The following LRPPRC variants were observed in gnomAD, a reference collection of about 807,000 sequenced individuals.
LRPPRC encodes the protein leucine-rich PPR motif-containing protein, mitochondrial.
In LRPPRC, 120 loss-of-function variants were observed where a neutral mutation model predicts 180.3. That is an observed-to-expected ratio of 0.67 (90% confidence interval 0.57 to 0.77). The LOEUF (loss-of-function observed/expected upper bound fraction) is 0.77, where lower values mean the gene tolerates loss of function less well. LRPPRC is among the 30% of genes least tolerant of loss of function. LRPPRC has a pLI of 0.00. For missense variants in LRPPRC, 2,012 were observed against 1,657.2 expected (o/e 1.21, Z -3.72); for synonymous variants, 723 against 600.0 (o/e 1.21, Z -3.00).
chr2:43,889,000 T>C (rs1329679206), intron 37 of LRPPRC, among the ~76,000 whole-genome samples: 2 of 152,156 alleles, frequency 1.3e-5, no homozygotes, highest in Non-Finnish European at 2.9e-5. Context: ...CAAAAAGGAA[T>C]TGTGCATATG....
intron 1 of LRPPRC, among the ~76,000 whole-genome samples, chr2:43,984,580 A>T (rs1674446345): frequency 6.6e-6 from 1 of 152,216 alleles, no homozygotes; most frequent in African/African-American, 2.4e-5. Flanking sequence ...ATATTTAACC[A>T]AAGAAGTCTT....
At chr2:43,924,904 A>G (rs1410650492) in intron 27 of LRPPRC, among the ~76,000 whole-genome samples, 163 bp downstream of exon 27, 1 of 152,242 alleles carries the variant, frequency 6.6e-6, no homozygotes, top group Non-Finnish European at 1.5e-5. Context: ...GTGCTACGAT[A>G]TAACATTCTG....
At chr2:43,929,200 T>A (rs1317535951) in intron 25 of LRPPRC, among the ~76,000 whole-genome samples, 1 of 152,178 alleles carries the variant, frequency 6.6e-6, no homozygotes, top group Admixed American at 6.5e-5. Flanking sequence ...TCTTGAAATG[T>A]CACAACTTTA....
At chr2:43,943,554 T>G in intron 23 of LRPPRC, 133 bp downstream of exon 23, 1 of 731,090 alleles carries the variant, frequency 1.4e-6, no homozygotes, top group Admixed American at 2.1e-5. Flanking sequence ...TAGTTCATAT[T>G]AGCCCTCTTA....
At chr2:43,965,230 G>A (rs932314929) in intron 11 of LRPPRC, among the ~76,000 whole-genome samples, 1 of 152,072 alleles carries the variant, frequency 6.6e-6, no homozygotes, top group African/African-American at 2.4e-5. Context: ...TTGGACTCCT[G>A]ACCTCGTGAT....
chr2:43,980,580 AAGAAAGAG>A lies in LRPPRC; in HGVS notation c.347-640_347-633del, dbSNP rs1362102437. ...AAAAAAAAAAAAAAAAGAAGAAAGA[AAGAAAGAG>A]AGAGAGAGAGAGAAAGAAAGAATAC... On this transcript the variant is annotated intron_variant, in intron 2 of 37. Transcript: ENST00000260665. Among the ~76,000 whole-genome samples, 274 of 122,280 alleles carry A rather than the reference AAGAAAGAG, an allele frequency of 2.2e-3. 1 individual carries two copies. Among genetic ancestry groups the A allele is most frequent in the African/African-American group, 7.4e-3 (254 of 34,152 alleles). 80.2% of individuals were successfully genotyped at this position (122,280 alleles called of 152,430 possible).
At chr2:43,978,053 GAT>G (rs1250950682) in intron 3 of LRPPRC, among the ~76,000 whole-genome samples, 6 of 152,208 alleles carry the variant, frequency 3.9e-5, no homozygotes, top group African/African-American at 9.6e-5. Flanking sequence ...TATCTTAACA[GAT>G]ATGTTTCTTT....
intron 25 of LRPPRC, among the ~76,000 whole-genome samples, chr2:43,933,807 T>C (rs550493858): frequency 1.3e-5 from 2 of 152,320 alleles, no homozygotes; most frequent in South Asian, 4.1e-4. Context: ...ATCTTGAGCA[T>C]GGTCTGCAGC....
At chr2:43,947,427 T>A in intron 19 of LRPPRC, 57 bp from the exon 20 acceptor site, 1 of 824,504 alleles carries the variant, frequency 1.2e-6, no homozygotes. Context: ...ATAGTATGCC[T>A]TTTGTCACTC....
intron 1 of LRPPRC, among the ~76,000 whole-genome samples, chr2:43,990,842 CTT>C (rs11443325): frequency 2.2e-5 from 3 of 134,668 alleles, no homozygotes; most frequent in Admixed American, 7.6e-5. Context: ...CCATCAGGTT[CTT>C]TTTTTTTTTT....
At chr2:43,942,557 T>G (rs1672520608) in intron 23 of LRPPRC, among the ~76,000 whole-genome samples, 1 of 152,158 alleles carries the variant, frequency 6.6e-6, no homozygotes, top group Non-Finnish European at 1.5e-5. Context: ...CATGCATGTA[T>G]TCACACATTT....
At chr2:43,903,541 TAAC>T (rs1237664020) in intron 31 of LRPPRC, 3 of 119,348 alleles carry the variant, frequency 2.5e-5, no homozygotes, top group Non-Finnish European at 4.8e-5. Flanking sequence ...CATTTTACTC[TAAC>T]AACAGGTTTG....
chr2:43,963,415 G>A (rs1343078294), intron 12 of LRPPRC, 173 bp downstream of exon 12: 3 of 650,058 alleles, frequency 4.6e-6, no homozygotes, highest in Non-Finnish European at 8.2e-6. Context: ...TTGCACTCCT[G>A]CCTGGGCAAT....
At chr2:43,899,665 TTAGTC>T (rs1365512972) in intron 32 of LRPPRC, 60 bp from the exon 33 acceptor site, 2 of 1,139,746 alleles carry the variant, frequency 1.8e-6, no homozygotes, top group African/African-American at 1.5e-5. Flanking sequence ...TACAGGCAGT[TTAGTC>T]TAAGAACTTA....
At chr2:43,958,364 A>C (rs1559011560) in intron 13 of LRPPRC, among the ~76,000 whole-genome samples, 1 of 152,218 alleles carries the variant, frequency 6.6e-6, no homozygotes, top group East Asian at 1.9e-4. Flanking sequence ...AATACAGTTT[A>C]AGTGAAGGTT....
intron 11 of LRPPRC, among the ~76,000 whole-genome samples, chr2:43,968,321 A>T (rs544356252): frequency 6.6e-6 from 1 of 152,222 alleles, no homozygotes; most frequent in South Asian, 2.1e-4. Context: ...ATGCAAGGCA[A>T]TATGTGTCGA....
At chr2:43,911,035 T>G (rs1041893569) in intron 30 of LRPPRC, among the ~76,000 whole-genome samples, 1 of 151,746 alleles carries the variant, frequency 6.6e-6, no homozygotes, top group Non-Finnish European at 1.5e-5. Context: ...CATAATTTTC[T>G]GAGAAAAGTA....
At chr2:43,896,838 C>T (rs1670704258) in intron 34 of LRPPRC, 130 bp from the exon 35 acceptor site, 2 of 654,728 alleles carry the variant, frequency 3.1e-6, no homozygotes, top group South Asian at 3.3e-5. Flanking sequence ...GCCTAATAGT[C>T]GACTATTATT....
intron 22 of LRPPRC, 102 bp from the exon 23 acceptor site, chr2:43,943,996 T>C (rs533975168): frequency 1.4e-5 from 11 of 799,854 alleles, no homozygotes; most frequent in African/African-American, 6.8e-5. Flanking sequence ...TAAATTCTAG[T>C]GTATAATGCC....
Sources: allele counts gnomAD v4.1 joint callset (sites outside exome capture counted in the v4.1 genomes callset), GRCh38; gene constraint gnomAD v4.1.1; transcripts MANE v1.5; gene names NCBI Gene and HGNC (gene_info 2026-07-23, HGNC 2026-07-21).